CEP55: variants seen among roughly 807,000 people sequenced by gnomAD.
The protein encoded by CEP55 is centrosomal protein 55, also known as centrosomal protein of 55 kDa.
In CEP55, 57 loss-of-function variants were observed where a neutral mutation model predicts 63.2. That is an observed-to-expected ratio of 0.90 (90% CI 0.73 to 1.13). The LOEUF is 1.13. CEP55 is among the 50% of genes most tolerant of loss of function. The pLI is 0.00. For synonymous variants in CEP55, 178 were observed against 191.6 expected (o/e 0.93, Z 0.59); for missense variants, 456 against 518.9 (o/e 0.88, Z 1.18).
At chr10:93,523,326 T>A (rs1370769867) in intron 8 of CEP55, among the ~76,000 whole-genome samples, 1 of 151,818 alleles carries the variant, frequency 6.6e-6, no homozygotes, top group Non-Finnish European at 1.5e-5. Context: ...CCAACAAAGA[T>A]CAAAACAGAC....
intron 8 of CEP55, among the ~76,000 whole-genome samples, chr10:93,521,117 G>A (rs1045730777): frequency 2.0e-5 from 3 of 152,044 alleles, no homozygotes; most frequent in Non-Finnish European, 2.9e-5. Context: ...TGGATGCAGC[G>A]CACCGAGCGT....
intron 2 of CEP55, among the ~76,000 whole-genome samples, chr10:93,500,851 T>C (rs766286846): frequency 1.3e-5 from 2 of 151,992 alleles, no homozygotes; most frequent in Non-Finnish European, 2.9e-5. Context: ...CCTCAAACTC[T>C]GGGCCTCAGG....
At position 93,497,638 on chromosome 10, in the gene CEP55, G is replaced by A. The variant is rs191538912; in HGVS notation, c.-13+715G>A. ...AACAACAACAACAACAAAAATCAAA[G>A]TGCAGTCCTTGAAAAAATAGTTGAA... On this transcript the variant is annotated intron_variant, in intron 1 of 8. Coordinates refer to ENST00000371485, the MANE Select transcript of CEP55 (RefSeq NM_018131.5). Among the ~76,000 whole-genome samples the A allele has an allele frequency of 9.8e-4, 148 of 151,012 alleles. 1 individual carries two copies. Among genetic ancestry groups the A allele is most frequent in the Non-Finnish European group, 1.8e-3 (122 of 67,862 alleles).
rs1385655242 is a variant in CEP55, at chr10:93,503,257, G to A, written c.328G>A (p.Glu110Lys). Residue 110 changes from glutamate to lysine, a missense_variant, in exon 3 of 9, where the codon GAA becomes AAA. Coordinates refer to ENST00000371485, the MANE Select transcript of CEP55 (RefSeq NM_018131.5). ...LLEQLEETTR[E>K]GERREQVLKA... ...TGAACAGCTGGAAGAGACAACGAGA[G>A]AAGGAGAAAGGAGGGAGCAGGTGTT... 4.3e-6 allele frequency: 7 copies of A among 1,614,166 alleles called. No homozygotes were observed. The highest frequency in any genetic ancestry group is 5.1e-6 in the Non-Finnish European group (6 of 1,180,038).
At chr10:93,522,194 G>T (rs1339674056) in intron 8 of CEP55, among the ~76,000 whole-genome samples, 1 of 152,134 alleles carries the variant, frequency 6.6e-6, no homozygotes, top group Non-Finnish European at 1.5e-5. Flanking sequence ...CTTGAAAAAA[G>T]ATTAGATGAA....
intron 8 of CEP55, among the ~76,000 whole-genome samples, chr10:93,524,226 A>G (rs1266145831): frequency 6.6e-6 from 1 of 152,200 alleles, no homozygotes; most frequent in Non-Finnish European, 1.5e-5. Context: ...GAGAAGAATC[A>G]AATAGACACA....
intron 4 of CEP55, among the ~76,000 whole-genome samples, chr10:93,512,428 C>A (rs1180465969): frequency 6.9e-6 from 1 of 145,154 alleles, no homozygotes; most frequent in East Asian, 2.1e-4. Context: ...GCAAGAGAAT[C>A]GCTTGAACCC....
chr10:93,505,823 A>G (rs1267459324), intron 3 of CEP55, among the ~76,000 whole-genome samples: 3 of 151,280 alleles, frequency 2.0e-5, no homozygotes, highest in Non-Finnish European at 2.9e-5. Context: ...TATAATCTAT[A>G]TGAACTAATA....
At chr10:93,503,514 T>C in intron 3 of CEP55, 126 bp downstream of exon 3, 5 of 917,298 alleles carry the variant, frequency 5.5e-6, no homozygotes, top group Non-Finnish European at 8.1e-6. Context: ...TATAGTATAC[T>C]ATCAGGTCAC....
chr10:93,498,052 G>C (rs1192840483), intron 1 of CEP55, among the ~76,000 whole-genome samples: 1 of 152,042 alleles, frequency 6.6e-6, no homozygotes, highest in African/African-American at 2.4e-5. Flanking sequence ...AACCCGGGAG[G>C]CGGAGGTTGC....
chr10:93,528,176 A>G lies in CEP55; in HGVS notation c.*23A>G. ...TAGCAAAATAAGTATTTGTTTTGAT[A>G]TTAAAAGATTCAATACTGTATTTTC... is the stretch of plus-strand genomic sequence containing the variant. On this transcript the variant is annotated 3_prime_UTR_variant, in exon 9 of 9. Coordinates refer to ENST00000371485, the MANE Select transcript of CEP55 (RefSeq NM_018131.5). 1 of 1,587,328 alleles carries G rather than the reference A, an allele frequency of 6.3e-7. No homozygotes were observed. The highest frequency in any genetic ancestry group is 8.6e-7 in the Non-Finnish European group (1 of 1,156,418).
intron 5 of CEP55, 112 bp from the exon 6 acceptor site, chr10:93,516,823 C>A: frequency 1.3e-6 from 1 of 760,348 alleles, no homozygotes; most frequent in South Asian, 2.2e-5. Context: ...CTTGACTTTT[C>A]ATGTTGTAAA....
At position 93,517,133 on chromosome 10, in the gene CEP55, A is replaced by C; in HGVS notation, c.878A>C (p.His293Pro). 1 of 1,614,074 alleles carries C rather than the reference A, an allele frequency of 6.2e-7. No individual in the cohort carries two copies. Among genetic ancestry groups the C allele is most frequent in the South Asian group, 1.1e-5 (1 of 91,086 alleles). ...TCACAAAGAAGGGCAGATGTGCAAC[A>C]TCTGGAAGATGATAGGCATAAAACA... ...LYSQRRADVQ[H>P]LEDDRHKTEK... Residue 293 changes from histidine (H) to proline (P), a missense_variant, in exon 6 of 9, where the codon CAT (histidine) becomes CCT (proline). Coordinates refer to ENST00000371485, the MANE Select transcript of CEP55 (RefSeq NM_018131.5).
chr10:93,504,957 A>G (rs1021932292), intron 3 of CEP55, among the ~76,000 whole-genome samples: 1 of 152,044 alleles, frequency 6.6e-6, no homozygotes. Flanking sequence ...GATTACAGGC[A>G]CCTGCCACGA....
Position 93,517,208 on chromosome 10 carries a change from T to G in CEP55, c.953T>G (p.Leu318Arg). The change falls in exon 6 of 9, where the codon CTT becomes CGT. Residue 318 changes from leucine to arginine, a missense_variant. Leu to Arg is a moderately radical substitution (Grantham distance 102). Coordinates refer to ENST00000371485, the MANE Select transcript of CEP55 (RefSeq NM_018131.5). ...GAGAATGATATTGCTAGGGGAAAAC[T>G]TGAAGAAGAGAAGAAGAGATCCGAA... ...REENDIARGK[L>R]EEEKKRSEEL... 1 of 1,609,000 alleles carries G rather than the reference T, an allele frequency of 6.2e-7. No individual in the cohort carries two copies. Among genetic ancestry groups the G allele is most frequent in the South Asian group, 1.1e-5 (1 of 89,848 alleles).
In CEP55 at chr10:93,519,690, A is replaced by C. The variant is rs778571486; in HGVS notation, c.1074A>C (p.Ala358=). ...RVALLEQQMQ[A]CTLDFENEKL... ...TTCTGGGCCTTTTCCAGATGCAGGC[A>C]TGTACTTTAGACTTTGAAAATGAAA... The change falls in exon 8 of 9, where the codon GCA becomes GCC. Residue 358 remains alanine (A), a synonymous_variant. Coordinates refer to ENST00000371485, the MANE Select transcript of CEP55 (RefSeq NM_018131.5). 2.5e-6 allele frequency: 4 copies of C among 1,614,190 alleles called. No individual in the cohort carries two copies. Among genetic ancestry groups the C allele is most frequent in the Non-Finnish European group, 3.4e-6 (4 of 1,180,032 alleles).
At chr10:93,523,273 G>C (rs971348608) in intron 8 of CEP55, among the ~76,000 whole-genome samples, 1 of 152,028 alleles carries the variant, frequency 6.6e-6, no homozygotes, top group African/African-American at 2.4e-5. Context: ...AACAAAAAAA[G>C]GCAGGGGTTG....
At chr10:93,504,984 G>A (rs1216436662) in intron 3 of CEP55, among the ~76,000 whole-genome samples, 1 of 151,598 alleles carries the variant, frequency 6.6e-6, no homozygotes, top group African/African-American at 2.4e-5. Flanking sequence ...GCTGATTTTT[G>A]TATTATTAAT....
intron 8 of CEP55, among the ~76,000 whole-genome samples, chr10:93,526,634 C>T (rs1448665760): frequency 5.9e-5 from 9 of 152,240 alleles, no homozygotes; most frequent in South Asian, 2.1e-4. Context: ...CACATGCACA[C>T]GTATGTTTAT....
Sources: allele counts gnomAD v4.1 joint callset (sites outside exome capture counted in the v4.1 genomes callset), GRCh38; gene constraint gnomAD v4.1.1; transcripts MANE v1.5; gene names NCBI Gene and HGNC (gene_info 2026-07-23, HGNC 2026-07-21).